Variants in SH3RF1 observed in about 807,000 individuals in gnomAD.
SH3RF1 encodes the protein E3 ubiquitin-protein ligase SH3RF1.
In SH3RF1, 32 loss-of-function variants were observed where a neutral mutation model predicts 74.0. That is an observed-to-expected ratio of 0.43 (90% CI 0.33 to 0.58). The LOEUF is 0.58. SH3RF1 is among the 20% of genes least tolerant of loss of function. The probability of loss-of-function intolerance (pLI) is 0.05; values close to 1 mark genes in which losing one functional copy is unlikely to be tolerated. For missense variants in SH3RF1, 954 were observed against 1,130.9 expected (o/e 0.84, Z 2.24); for synonymous variants, 396 against 439.6 (o/e 0.90, Z 1.24).
At position 169,110,145 on chromosome 4, in the gene SH3RF1, C is replaced by T. The variant is rs150446635; in HGVS notation, c.2140-2940G>A. 5.0e-3 allele frequency among the ~76,000 whole-genome samples: 755 copies of T among 151,726 alleles called. 5 individuals are homozygous for T. The highest frequency in any genetic ancestry group is 0.017 in the African/African-American group (689 of 41,364). On this transcript the variant is annotated intron_variant, in intron 10 of 11. Coordinates refer to ENST00000284637, the MANE Select transcript of SH3RF1 (RefSeq NM_020870.4). The stretch of plus-strand genomic sequence containing the variant: ...ATCCCAGCACTTTGGGAGGCCAAGG[C>T]GGCAGGATTGCTTGAGCCCAGGAGT...
At position 169,130,118 on chromosome 4, in the gene SH3RF1, G is replaced by A; in HGVS notation, c.1107C>T (p.Pro369=). ...ISTTGLIVTP[P]PSSPVTTGPS... is the part of the protein sequence containing the mutation. ...GGCCAGTTGTCACTGGGCTGCTTGGGGGCGGGGTCACAATTAACCCGGTGG... is the reference window on the plus strand; with the variant it reads ...GGCCAGTTGTCACTGGGCTGCTTGGAGGCGGGGTCACAATTAACCCGGTGG... Residue 369 remains proline (P), a synonymous_variant, in exon 6 of 12, where the codon CCC becomes CCT. Transcript: ENST00000284637. The A allele has an allele frequency of 6.2e-7, 1 of 1,606,326 alleles. No homozygotes were observed. Among genetic ancestry groups the A allele is most frequent in the Non-Finnish European group, 8.5e-7 (1 of 1,177,576 alleles).
At chr4:169,148,264 G>A (rs1733924390) in intron 4 of SH3RF1, among the ~76,000 whole-genome samples, 1 of 152,214 alleles carries the variant, frequency 6.6e-6, no homozygotes, top group South Asian at 2.1e-4. Context: ...GAACTGCAGA[G>A]TGGAGGCCAC....
Position 169,120,890 on chromosome 4 carries a change from C to G in SH3RF1, c.1446G>C (p.Trp482Cys). 1 of 1,614,208 alleles carries G rather than the reference C, an allele frequency of 6.2e-7. No individual in the cohort carries two copies. Among genetic ancestry groups the G allele is most frequent in the Non-Finnish European group, 8.5e-7 (1 of 1,180,034 alleles). Residue 482 changes from tryptophan (W) to cysteine (C), a missense_variant, in exon 8 of 12, where the codon TGG becomes TGC. Trp to Cys is a radical substitution (Grantham distance 215). Coordinates refer to ENST00000284637, the MANE Select transcript of SH3RF1 (RefSeq NM_020870.4). ...TGGTATGCATGGATGTCCCTTTGAACCAGCCATCCTGGCAGCGCTCAAACA... is the reference window on the plus strand; with the variant it reads ...TGGTATGCATGGATGTCCCTTTGAAGCAGCCATCCTGGCAGCGCTCAAACA... ...FLVFERCQDG[W>C]FKGTSMHTSK...
At chr4:169,200,856 TGG>T (rs1734896046) in intron 2 of SH3RF1, among the ~76,000 whole-genome samples, 1 of 152,170 alleles carries the variant, frequency 6.6e-6, no homozygotes, top group Admixed American at 6.5e-5. Flanking sequence ...ATGAGTAAAC[TGG>T]TAAGTTTCTA....
intron 2 of SH3RF1, among the ~76,000 whole-genome samples, chr4:169,191,596 A>C (rs954209374): frequency 6.6e-6 from 1 of 152,200 alleles, no homozygotes; most frequent in African/African-American, 2.4e-5. Flanking sequence ...AAGCAAGACT[A>C]AGCAAAAAGA....
intron 2 of SH3RF1, among the ~76,000 whole-genome samples, chr4:169,181,807 T>C (rs1023849538): frequency 2.6e-5 from 4 of 152,250 alleles, no homozygotes; most frequent in African/African-American, 7.2e-5. Flanking sequence ...GAAGAGTGGA[T>C]ACTGGCCTGA....
intron 2 of SH3RF1, among the ~76,000 whole-genome samples, chr4:169,245,961 T>G (rs1443301955): frequency 6.6e-6 from 1 of 152,222 alleles, no homozygotes; most frequent in Non-Finnish European, 1.5e-5. Context: ...CTCATTCACC[T>G]GTTCAAATAT....
chr4:169,122,617 G>A (rs964253970), intron 6 of SH3RF1, among the ~76,000 whole-genome samples: 4 of 152,096 alleles, frequency 2.6e-5, no homozygotes, highest in Non-Finnish European at 5.9e-5. Flanking sequence ...CTTTCGAGGC[G>A]GGTAGCCATG....
intron 2 of SH3RF1, among the ~76,000 whole-genome samples, chr4:169,186,446 T>C (rs1392001186): frequency 6.6e-6 from 1 of 152,018 alleles, no homozygotes; most frequent in Non-Finnish European, 1.5e-5. Flanking sequence ...CTTATTTCTA[T>C]CAAATCCCCT....
At position 169,229,492 on chromosome 4, in the gene SH3RF1, C is replaced by T. The variant is rs575887504; in HGVS notation, c.393+39328G>A. Among the ~76,000 whole-genome samples the T allele has an allele frequency of 5.9e-5, 9 of 151,462 alleles. No individual in the cohort carries two copies. The South Asian group carries it at 1.7e-3, about 28-fold the overall frequency. On this transcript the variant is annotated intron_variant, in intron 2 of 11. Transcript: ENST00000284637. ...CCCCCACCCAAAAAAAAAACCTATT[C>T]GGTGGCCACATACATTTGGAAAAGG...
chr4:169,208,646 A>G (rs1730303450), intron 2 of SH3RF1, among the ~76,000 whole-genome samples: 1 of 152,170 alleles, frequency 6.6e-6, no homozygotes, highest in African/African-American at 2.4e-5. Flanking sequence ...GATGACACAC[A>G]CTGAGTTTTG....
chr4:169,226,854 G>A (rs1377934955), intron 2 of SH3RF1, among the ~76,000 whole-genome samples: 3 of 152,088 alleles, frequency 2.0e-5, no homozygotes, highest in African/African-American at 7.2e-5. Flanking sequence ...TACTACCTCA[G>A]TCACCTAACT....
intron 2 of SH3RF1, among the ~76,000 whole-genome samples, chr4:169,258,146 T>C (rs1731221114): frequency 6.6e-6 from 1 of 152,202 alleles, no homozygotes; most frequent in South Asian, 2.1e-4. Context: ...GAAAACTATG[T>C]CCTACAGAAG....
intron 6 of SH3RF1, among the ~76,000 whole-genome samples, chr4:169,123,369 C>T (rs912827510): frequency 2.6e-5 from 4 of 152,146 alleles, no homozygotes; most frequent in African/African-American, 7.2e-5. Flanking sequence ...TCTAGACGCA[C>T]GCTGTAACTA....
chr4:169,125,973 T>G (rs1242455998), intron 6 of SH3RF1, among the ~76,000 whole-genome samples: 1 of 152,246 alleles, frequency 6.6e-6, no homozygotes, highest in African/African-American at 2.4e-5. Context: ...GAGAGATATG[T>G]ATATCAGTTA....
intron 2 of SH3RF1, among the ~76,000 whole-genome samples, chr4:169,199,543 C>T (rs977130186): frequency 5.3e-5 from 8 of 152,030 alleles, no homozygotes. Context: ...TGTTCACATC[C>T]CACTGGTTAG....
chr4:169,199,659 T>G lies in SH3RF1; in HGVS notation c.394-42980A>C, dbSNP rs943257150. 2.6e-5 allele frequency among the ~76,000 whole-genome samples: 4 copies of G among 152,184 alleles called. No individual in the cohort carries two copies. The South Asian group carries it at 8.3e-4, about 32-fold the overall frequency. On this transcript the variant is annotated intron_variant, in intron 2 of 11. Transcript: ENST00000284637. Reference sequence around the variant, plus strand: ...TAAATAACAGAGGAGACTAATACATTTTTGAGAGCAGCTAGGAGGTTCTGT... The same window carrying G: ...TAAATAACAGAGGAGACTAATACATGTTTGAGAGCAGCTAGGAGGTTCTGT...
chr4:169,096,321 T>G lies in SH3RF1; in HGVS notation c.*198A>C. 1.7e-6 allele frequency: 1 copy of G among 580,942 alleles called. No individual in the cohort carries two copies. Among genetic ancestry groups the G allele is most frequent in the South Asian group, 2.4e-5 (1 of 41,848 alleles). The allele number at this position is 580,942 out of a possible 1,614,324, so 36.0% of individuals were successfully genotyped here. A position where few individuals can be genotyped will look rare whatever the true frequency, so the allele number is the denominator to read the frequency against. On this transcript the variant is annotated 3_prime_UTR_variant, in exon 12 of 12. Transcript: ENST00000284637. ...ACAAGGCACACCTTATACATCCGAA[T>G]CCAGACTAACAAAACCCACACAAAC...
chr4:169,129,031 C>T (rs968076421), intron 6 of SH3RF1, among the ~76,000 whole-genome samples: 1 of 152,160 alleles, frequency 6.6e-6, no homozygotes, highest in Non-Finnish European at 1.5e-5. Context: ...GGTCATATAA[C>T]AAATAAATGG....
Sources: gnomAD v4.1 joint callset for allele counts (sites outside exome capture counted in the v4.1 genomes callset) on GRCh38, gnomAD v4.1.1 for gene constraint, MANE v1.5 for transcripts, NCBI Gene and HGNC (gene_info 2026-07-23, HGNC 2026-07-21) for gene names.